The following C12orf42 variants were observed in gnomAD, a reference collection of about 807,000 sequenced individuals.
C12orf42 encodes chromosome 12 open reading frame 42.
A neutral mutation model predicts 21.6 loss-of-function variants in C12orf42; 25 were observed. The ratio of observed to expected loss-of-function variants is 1.16; its 90% CI spans 0.84 to 1.62. C12orf42 has a LOEUF of 1.62. Among genes scored for constraint, C12orf42 ranks in the 40% most tolerant of loss-of-function variants. The pLI is 0.00. For synonymous variants in C12orf42, 174 were observed against 175.0 expected (o/e 0.99, Z 0.05); for missense variants, 483 against 459.3 (o/e 1.05, Z -0.47).
the C12orf42 span, among the ~76,000 whole-genome samples, chr12:103,107,731 G>A: frequency 1.5e-4 from 22 of 151,082 alleles, no homozygotes; most frequent in Non-Finnish European, 2.1e-4. Context: ...GTAACTAGAA[G>A]AAAGGAAATA....
At chr12:103,194,247 C>T in the C12orf42 span, among the ~76,000 whole-genome samples, 1 of 152,042 alleles carries the variant, frequency 6.6e-6, no homozygotes, top group East Asian at 1.9e-4. Context: ...AGAGCTTTTC[C>T]TGTAAGATCA....
the C12orf42 span, among the ~76,000 whole-genome samples, chr12:103,066,071 G>T: frequency 6.6e-6 from 1 of 152,152 alleles, no homozygotes; most frequent in Non-Finnish European, 1.5e-5. Flanking sequence ...CACAGCGGAG[G>T]CCTCTAGGAT....
the C12orf42 span, among the ~76,000 whole-genome samples, chr12:103,174,230 T>C: frequency 6.6e-6 from 1 of 152,206 alleles, no homozygotes; most frequent in Non-Finnish European, 1.5e-5. Context: ...TTAAATGCTC[T>C]GCCAAAAGTC....
At chr12:103,400,610 C>A (rs1284848352) in intron 3 of C12orf42, among the ~76,000 whole-genome samples, 2 of 152,176 alleles carry the variant, frequency 1.3e-5, no homozygotes, top group Non-Finnish European at 2.9e-5. Flanking sequence ...AAAACCAGGT[C>A]ATGTTTTTCA....
intron 4 of C12orf42, among the ~76,000 whole-genome samples, chr12:103,336,021 T>C (rs141663169): frequency 3.1e-4 from 47 of 152,298 alleles, no homozygotes; most frequent in African/African-American, 1.1e-3. Context: ...CAGTACCCAA[T>C]TGGATGTTGG....
chr12:103,285,079 G>T (rs1390761074), intron 4 of C12orf42, among the ~76,000 whole-genome samples: 1 of 152,052 alleles, frequency 6.6e-6, no homozygotes, highest in Non-Finnish European at 1.5e-5. Context: ...ACACAGCAAA[G>T]GCAGAAGAAC....
At chr12:103,260,707 G>A (rs1015390152) in intron 10 of C12orf42, among the ~76,000 whole-genome samples, 4 of 152,196 alleles carry the variant, frequency 2.6e-5, no homozygotes, top group Admixed American at 1.3e-4. Flanking sequence ...TCAGAGCGAT[G>A]GCAAAATAGG....
chr12:103,115,262 T>A, the C12orf42 span, among the ~76,000 whole-genome samples: 1 of 152,228 alleles, frequency 6.6e-6, no homozygotes, highest in Admixed American at 6.5e-5. Context: ...GGTTATTTTT[T>A]ATTGCGACCA....
the C12orf42 span, among the ~76,000 whole-genome samples, chr12:103,517,932 G>A: frequency 6.6e-6 from 1 of 151,838 alleles, no homozygotes; most frequent in Admixed American, 6.6e-5. Flanking sequence ...TAAATTGCTG[G>A]CATGTTTATG....
the C12orf42 span, among the ~76,000 whole-genome samples, chr12:103,215,313 T>C: frequency 5.0e-4 from 76 of 151,760 alleles, no homozygotes; most frequent in African/African-American, 1.8e-3. Context: ...TTAATATTAA[T>C]ACCAAAACTC....
chr12:103,247,129 C>A (rs1459639001), intron 10 of C12orf42, among the ~76,000 whole-genome samples: 1 of 151,524 alleles, frequency 6.6e-6, no homozygotes, highest in Admixed American at 6.6e-5. Flanking sequence ...TATGAATTCT[C>A]AAGTTGATTC....
chr12:103,154,080 A>G, the C12orf42 span, among the ~76,000 whole-genome samples: 1 of 150,688 alleles, frequency 6.6e-6, no homozygotes, highest in Non-Finnish European at 1.5e-5. Context: ...CAGACCCATG[A>G]GTTAAAACTA....
At chr12:103,491,654 T>C (rs1291964259) in intron 1 of C12orf42, among the ~76,000 whole-genome samples, 1 of 152,226 alleles carries the variant, frequency 6.6e-6, no homozygotes. Context: ...TTGGCAAATG[T>C]CAGTCACTAT....
chr12:103,412,673 A>T (rs985359944), intron 2 of C12orf42, among the ~76,000 whole-genome samples: 63 of 152,344 alleles, frequency 4.1e-4, no homozygotes, highest in Admixed American at 3.2e-3. Context: ...ACAGTCTGAG[A>T]TGGCATCTCA....
chr12:103,280,438 C>T (rs991605296), intron 4 of C12orf42, among the ~76,000 whole-genome samples: 3 of 152,040 alleles, frequency 2.0e-5, no homozygotes, highest in South Asian at 2.1e-4. Context: ...GCCAACATGG[C>T]GAAACCCCAT....
chr12:103,234,311 A>T (rs538981709), downstream of C12orf42, among the ~76,000 whole-genome samples: 36 of 152,336 alleles, frequency 2.4e-4, no homozygotes, highest in African/African-American at 8.4e-4. Context: ...TATTAGAATA[A>T]GTGCATCAAT....
the C12orf42 span, among the ~76,000 whole-genome samples, chr12:103,507,119 T>TATATATATAATATAAATATA: frequency 8.4e-5 from 1 of 11,962 alleles, no homozygotes; most frequent in Non-Finnish European, 1.1e-4. Context: ...AAATATATAT[T>TATATATATAATATAAATATA]TATATATAAT....
the C12orf42 span, chr12:103,503,292 G>A: frequency 1.3e-5 from 2 of 152,196 alleles, no homozygotes; most frequent in Non-Finnish European, 2.9e-5. Context: ...GGGCCCAGGG[G>A]CCAGGGCCAT....
the C12orf42 span, among the ~76,000 whole-genome samples, chr12:103,181,846 A>G: frequency 1.3e-5 from 2 of 152,242 alleles, no homozygotes; most frequent in South Asian, 4.1e-4. Flanking sequence ...AGGTAGGGAG[A>G]AAAGCTAAGA....
Sources: allele counts gnomAD v4.1 joint callset (sites outside exome capture counted in the v4.1 genomes callset), GRCh38; gene constraint gnomAD v4.1.1; transcripts MANE v1.5; gene names NCBI Gene and HGNC (gene_info 2026-07-23, HGNC 2026-07-21).